INPP5A: variants seen among roughly 807,000 people sequenced by gnomAD.
INPP5A encodes inositol polyphosphate-5-phosphatase A, also known as 43 kDa inositol polyphosphate 5-phophatase.
A neutral mutation model predicts 65.2 loss-of-function variants in INPP5A; 14 were observed. The observed-to-expected ratio is 0.21, with a 90% CI of 0.14 to 0.34. The LOEUF (loss-of-function observed/expected upper bound fraction) is 0.34. Ranked by LOEUF, INPP5A falls within the 10% of genes least tolerant of loss-of-function variation. The probability of loss-of-function intolerance (pLI) is 1.00; values close to 1 mark genes in which losing one functional copy is unlikely to be tolerated. For synonymous variants in INPP5A, 207 were observed against 208.3 expected (o/e 0.99, Z 0.05); for missense variants, 431 against 545.6 (o/e 0.79, Z 2.09).
At chr10:132,539,273 G>A (rs1356015671) in intron 1 of INPP5A, among the ~76,000 whole-genome samples, 1 of 152,178 alleles carries the variant, frequency 6.6e-6, no homozygotes. Flanking sequence ...AGGGCCAGAG[G>A]GTAGGGTGCC....
At position 132,745,636 on chromosome 10, in the gene INPP5A, G is replaced by A. The variant is rs1025824610; in HGVS notation, c.733-3881G>A. 2.6e-5 allele frequency among the ~76,000 whole-genome samples: 4 copies of A among 151,412 alleles called. No individual in the cohort carries two copies. In the South Asian group the frequency reaches 6.3e-4, roughly 24 times the overall value. ...TCAGACCCTGGGTGTGGTGGGCCTC[G>A]GGCGTGGTGGCCTCGGGTGTGGTGG... On this transcript the variant is annotated intron_variant, in intron 9 of 15. Coordinates refer to ENST00000368594, the MANE Select transcript of INPP5A (RefSeq NM_005539.5).
chr10:132,782,187 T>C lies in INPP5A; in HGVS notation c.*158T>C. 1 of 1,178,826 alleles carries C rather than the reference T, an allele frequency of 8.5e-7. No homozygotes were observed. Among genetic ancestry groups the C allele is most frequent in the Non-Finnish European group, 1.2e-6 (1 of 826,958 alleles). 73.0% of individuals were successfully genotyped at this position (1,178,826 alleles called of 1,614,324 possible). A position where few individuals can be genotyped will look rare whatever the true frequency, so the allele number is the denominator to read the frequency against. Reference sequence around the variant, plus strand: ...CACTTCGCTTCAGCCTCCGGACCATTCCGGAGCAGCCTCACATACCTCACT... The same window carrying C: ...CACTTCGCTTCAGCCTCCGGACCATCCCGGAGCAGCCTCACATACCTCACT... On this transcript the variant is annotated 3_prime_UTR_variant, in exon 16 of 16. Transcript: ENST00000368594. This position sits in a 1 kb window ranked among gnomAD's most constrained non-coding sequence, Gnocchi z 4.4.
intron 1 of INPP5A, among the ~76,000 whole-genome samples, chr10:132,562,272 A>G (rs998015876): frequency 1.3e-5 from 2 of 152,172 alleles, no homozygotes; most frequent in East Asian, 1.9e-4. Flanking sequence ...CAGGCCTGGC[A>G]CCCAGGGAAC....
chr10:132,751,645 A>G (rs914675781), intron 11 of INPP5A, among the ~76,000 whole-genome samples: 3 of 142,134 alleles, frequency 2.1e-5, no homozygotes, highest in African/African-American at 5.5e-5. Context: ...TCGTGGAGGC[A>G]GGTGCCCAGG....
At chr10:132,722,254 G>T (rs1845898379) in intron 8 of INPP5A, among the ~76,000 whole-genome samples, 1 of 152,092 alleles carries the variant, frequency 6.6e-6, no homozygotes, top group Non-Finnish European at 1.5e-5. Context: ...AGTGCCAAAG[G>T]TTTCAGCTAC....
chr10:132,746,477 G>A (rs1000075413), intron 9 of INPP5A, among the ~76,000 whole-genome samples: 3 of 152,208 alleles, frequency 2.0e-5, no homozygotes, highest in Admixed American at 2.0e-4. Flanking sequence ...CCGAATGACT[G>A]CGTTATTTCC....
At chr10:132,572,213 C>G (rs1449811859) in intron 1 of INPP5A, among the ~76,000 whole-genome samples, 1 of 152,250 alleles carries the variant, frequency 6.6e-6, no homozygotes, top group Non-Finnish European at 1.5e-5. Flanking sequence ...CATTGTGATA[C>G]TCAGAGGAAA....
chr10:132,718,502 T>C (rs1353251647), intron 8 of INPP5A, among the ~76,000 whole-genome samples: 208 of 94,070 alleles, frequency 2.2e-3, no homozygotes, highest in Middle Eastern at 0.019. Flanking sequence ...GCGCCTTAGA[T>C]GGCTGTCTTG....
intron 4 of INPP5A, among the ~76,000 whole-genome samples, chr10:132,688,703 A>G (rs544311836): frequency 5.5e-5 from 8 of 145,776 alleles, no homozygotes; most frequent in East Asian, 4.0e-4. Flanking sequence ...ATGTGTGTGC[A>G]AGTGTGAACA....
At chr10:132,773,440 C>T (rs1433048882) in intron 12 of INPP5A, among the ~76,000 whole-genome samples, 3 of 152,212 alleles carry the variant, frequency 2.0e-5, no homozygotes, top group Non-Finnish European at 4.4e-5. Context: ...GGTCGTCTCT[C>T]TTTAATGGAC....
intron 1 of INPP5A, among the ~76,000 whole-genome samples, chr10:132,563,148 C>T (rs2071226627): frequency 1.3e-5 from 2 of 152,176 alleles, no homozygotes; most frequent in Non-Finnish European, 1.5e-5. Flanking sequence ...GTTCAGATTC[C>T]AGGCTGTGGA....
intron 11 of INPP5A, among the ~76,000 whole-genome samples, chr10:132,754,967 AAGC>A (rs1398551937): frequency 8.6e-5 from 13 of 150,816 alleles, no homozygotes; most frequent in Non-Finnish European, 8.9e-5. Context: ...GTGTGTGTAT[AAGC>A]AGGCATGTGT....
chr10:132,726,485 C>T (rs1845986901), intron 8 of INPP5A, among the ~76,000 whole-genome samples: 1 of 152,210 alleles, frequency 6.6e-6, no homozygotes, highest in African/African-American at 2.4e-5. Context: ...TTCCCGTTCT[C>T]GGGGCAGCCG....
chr10:132,559,554 G>A (rs1046947316), intron 1 of INPP5A, among the ~76,000 whole-genome samples: 1 of 152,216 alleles, frequency 6.6e-6, no homozygotes, highest in African/African-American at 2.4e-5. Context: ...GGATTGACCT[G>A]GATGTTTCAT....
chr10:132,621,469 A>G (rs1434228031), intron 2 of INPP5A, among the ~76,000 whole-genome samples: 3 of 152,178 alleles, frequency 2.0e-5, no homozygotes, highest in Non-Finnish European at 4.4e-5. Context: ...GTGTGTGTTC[A>G]TGTACATTGG....
chr10:132,778,003 TG>T, intron 13 of INPP5A: 1 of 1,255,278 alleles, frequency 8.0e-7, no homozygotes, highest in Non-Finnish European at 1.1e-6. Flanking sequence ...GCCGAGTTCC[TG>T]GGCCATGGGC....
intron 1 of INPP5A, among the ~76,000 whole-genome samples, chr10:132,544,822 G>A (rs1338379394): frequency 2.6e-5 from 4 of 152,088 alleles, no homozygotes; most frequent in East Asian, 1.9e-4. Flanking sequence ...GAGAACGGCC[G>A]GCGGTGTTCT....
At position 132,540,523 on chromosome 10, in the gene INPP5A, G is replaced by A. The variant is rs181409045; in HGVS notation, c.75+2352G>A. Among the ~76,000 whole-genome samples the A allele has an allele frequency of 4.9e-3, 749 of 152,358 alleles. 8 individuals carry two copies. Among genetic ancestry groups the A allele is most frequent in the African/African-American group, 0.017 (716 of 41,580 alleles). On this transcript the variant is annotated intron_variant, in intron 1 of 15. Transcript: ENST00000368594. ...AATGTGTGCAGCTCAGTCCCCGGGGGCCAGACCCAGTCTCCTTCAGTGGAA... is the reference window on the plus strand; with the variant it reads ...AATGTGTGCAGCTCAGTCCCCGGGGACCAGACCCAGTCTCCTTCAGTGGAA...
At chr10:132,548,034 G>A (rs2071001487) in intron 1 of INPP5A, among the ~76,000 whole-genome samples, 1 of 152,036 alleles carries the variant, frequency 6.6e-6, no homozygotes, top group Non-Finnish European at 1.5e-5. Context: ...TTAGTAGCTG[G>A]GATTACAGGC....
Sources: gnomAD v4.1 joint callset for allele counts (sites outside exome capture counted in the v4.1 genomes callset) on GRCh38, gnomAD v4.1.1 for gene constraint, Gnocchi (gnomAD v3.1) non-coding constraint, MANE v1.5 for transcripts, NCBI Gene and HGNC (gene_info 2026-07-23, HGNC 2026-07-21) for gene names.